The following CYP4F22 variants were observed in gnomAD, a reference collection of about 807,000 sequenced individuals.
CYP4F22 encodes the protein cytochrome P450 family 4 subfamily F member 22, also known as ultra-long-chain fatty acid omega-hydroxylase.
In CYP4F22, 37 loss-of-function variants were observed where a neutral mutation model predicts 60.4. That is an observed-to-expected ratio of 0.61 (90% CI 0.47 to 0.81). The LOEUF is 0.81. Ranked by LOEUF, CYP4F22 falls within the 30% of genes least tolerant of loss-of-function variation. CYP4F22 has a pLI of 0.00. For missense variants in CYP4F22, 655 were observed against 715.0 expected (o/e 0.92, Z 0.96); for synonymous variants, 258 against 280.5 (o/e 0.92, Z 0.80).
intron 1 of CYP4F22, among the ~76,000 whole-genome samples, chr19:15,519,421 C>G (rs1423715975): frequency 6.6e-6 from 1 of 152,046 alleles, no homozygotes; most frequent in African/African-American, 2.4e-5. Context: ...CGCCACCATG[C>G]CTGGTTAATT....
rs62117083 is a variant in CYP4F22, at chr19:15,526,807, C to T, written c.222+1249C>T. ...CTACCTAGGCTAGAGTGCAGTGGTA[C>T]AATCATGGCTCACTGCAGCCTCTAC... On this transcript the variant is annotated intron_variant, in intron 3 of 13. Transcript: ENST00000269703. 2.6e-3 allele frequency among the ~76,000 whole-genome samples: 385 copies of T among 148,826 alleles called. 1 individual carries two copies. Among genetic ancestry groups the T allele is most frequent in the Admixed American group, 5.3e-3 (78 of 14,710 alleles).
At chr19:15,518,646 T>TGAA (rs1157968803) in intron 1 of CYP4F22, among the ~76,000 whole-genome samples, 1 of 22,670 alleles carries the variant, frequency 4.4e-5, no homozygotes, top group African/African-American at 2.9e-4. Flanking sequence ...AGACTTTGTC[T>TGAA]CAAAAAAAAA....
intron 10 of CYP4F22, among the ~76,000 whole-genome samples, chr19:15,546,235 C>G (rs1043483541): frequency 6.6e-6 from 1 of 152,108 alleles, no homozygotes; most frequent in Admixed American, 6.5e-5. Flanking sequence ...TTTGGCCTCC[C>G]AAAGTGCTGG....
At chr19:15,532,443 C>T (rs1352181457) in intron 4 of CYP4F22, among the ~76,000 whole-genome samples, 1 of 151,804 alleles carries the variant, frequency 6.6e-6, no homozygotes. Context: ...GGCATGATCT[C>T]AGCTCACTGC....
intron 8 of CYP4F22, among the ~76,000 whole-genome samples, chr19:15,540,932 T>A (rs2144533797): frequency 6.6e-6 from 1 of 152,084 alleles, no homozygotes; most frequent in South Asian, 2.1e-4. Context: ...AAAAAACAAA[T>A]AAGTTGGGTG....
At chr19:15,534,933 G>A (rs563456248) in intron 4 of CYP4F22, among the ~76,000 whole-genome samples, 1 of 152,272 alleles carries the variant, frequency 6.6e-6, no homozygotes, top group South Asian at 2.1e-4. Flanking sequence ...GGGGGGAATA[G>A]GAAATGAGAC....
At chr19:15,529,917 T>C in intron 4 of CYP4F22, 64 bp downstream of exon 4, 8 of 1,606,984 alleles carry the variant, frequency 5.0e-6, no homozygotes, top group Non-Finnish European at 6.8e-6. Flanking sequence ...TCTGAGATTC[T>C]AGGCAGGTGG....
chr19:15,532,158 C>T (rs1971349825), intron 4 of CYP4F22, among the ~76,000 whole-genome samples: 1 of 151,756 alleles, frequency 6.6e-6, no homozygotes, highest in Non-Finnish European at 1.5e-5. Context: ...GGTTTCTCTT[C>T]TGCCTTTTTA....
chr19:15,513,046 T>A (rs1252041114), intron 1 of CYP4F22, among the ~76,000 whole-genome samples: 1 of 151,916 alleles, frequency 6.6e-6, no homozygotes, highest in African/African-American at 2.4e-5. Context: ...TGACAAACAC[T>A]AAGTTTTACT....
chr19:15,526,304 AC>A (rs1971282332), intron 3 of CYP4F22, among the ~76,000 whole-genome samples: 1 of 152,032 alleles, frequency 6.6e-6, no homozygotes, highest in Non-Finnish European at 1.5e-5. Context: ...ATGTGGTTCC[AC>A]TCTTCTCCCT....
At chr19:15,513,014 T>TA (rs1355809442) in intron 1 of CYP4F22, among the ~76,000 whole-genome samples, 1 of 128,102 alleles carries the variant, frequency 7.8e-6, no homozygotes, top group African/African-American at 2.8e-5. Flanking sequence ...CTCTCTCTCT[T>TA]TTTTGTATTA....
intron 1 of CYP4F22, chr19:15,516,747 G>A: frequency 1.6e-6 from 1 of 636,730 alleles, no homozygotes; most frequent in Admixed American, 2.9e-5. Flanking sequence ...TATTCAACCT[G>A]GAATCCCTGG....
intron 10 of CYP4F22, among the ~76,000 whole-genome samples, chr19:15,545,692 G>GAAAAAA (rs3036561): frequency 2.6e-5 from 1 of 38,012 alleles, no homozygotes; most frequent in Non-Finnish European, 4.8e-5. Flanking sequence ...GAAAAGAAAA[G>GAAAAAA]AAGAAAAACA....
chr19:15,523,481 T>G (rs1476137801), intron 1 of CYP4F22, among the ~76,000 whole-genome samples: 1 of 152,134 alleles, frequency 6.6e-6, no homozygotes, highest in African/African-American at 2.4e-5. Flanking sequence ...CGTGATCCAA[T>G]CACCTTCCAC....
intron 11 of CYP4F22, among the ~76,000 whole-genome samples, chr19:15,548,903 G>A (rs1971563319): frequency 6.6e-6 from 1 of 152,146 alleles, no homozygotes; most frequent in African/African-American, 2.4e-5. Context: ...AGATCTGCGA[G>A]TAAGAAAGAT....
At chr19:15,536,159 C>T (rs72996100) in intron 4 of CYP4F22, among the ~76,000 whole-genome samples, 10,912 of 151,968 alleles carry the variant, frequency 0.072, 493 homozygotes, top group East Asian at 0.16. Context: ...GGCAATATGG[C>T]GATACCCTGT....
At chr19:15,538,020 G>GGACCC in intron 7 of CYP4F22, 27 bp downstream of exon 7, 1 of 1,613,726 alleles carries the variant, frequency 6.2e-7, no homozygotes, top group Non-Finnish European at 8.5e-7. Flanking sequence ...TTGGGAAGAT[G>GGACCC]GAGCCAGCTG....
At chr19:15,530,235 G>C (rs563193688) in intron 4 of CYP4F22, among the ~76,000 whole-genome samples, 13 of 152,208 alleles carry the variant, frequency 8.5e-5, no homozygotes, top group Non-Finnish European at 1.3e-4. Flanking sequence ...GCAGCCTGCT[G>C]TCATCACTTG....
chr19:15,525,626 T>C (rs73512634), intron 3 of CYP4F22, 68 bp downstream of exon 3: 43,686 of 1,460,040 alleles, frequency 0.03, 1,051 homozygotes, highest in South Asian at 0.092. Flanking sequence ...GTAGGGATGG[T>C]GGGCCTGCTG....
Sources: allele counts gnomAD v4.1 joint callset (sites outside exome capture counted in the v4.1 genomes callset), GRCh38; gene constraint gnomAD v4.1.1; transcripts MANE v1.5; gene names NCBI Gene and HGNC (gene_info 2026-07-23, HGNC 2026-07-21).